MICU1: variants seen among roughly 807,000 people sequenced by gnomAD.
MICU1 encodes the protein mitochondrial calcium uptake 1.
MICU1 carries 45 observed loss-of-function variants against 56.8 expected under a neutral mutation model. That is an observed-to-expected ratio of 0.79 (90% CI 0.62 to 1.02). The LOEUF (loss-of-function observed/expected upper bound fraction) is 1.02, where lower values mean the gene tolerates loss of function less well. Ranked by LOEUF, MICU1 falls within the 50% of genes least tolerant of loss-of-function variation. The pLI is 0.00. For synonymous variants in MICU1, 186 were observed against 195.1 expected (o/e 0.95, Z 0.39); for missense variants, 504 against 587.1 (o/e 0.86, Z 1.46).
At chr10:72,399,517 G>A (rs978209001) in intron 10 of MICU1, among the ~76,000 whole-genome samples, 3 of 152,108 alleles carry the variant, frequency 2.0e-5, no homozygotes, top group Admixed American at 6.6e-5. Flanking sequence ...ATGTTGGCAC[G>A]TGCCTGTAAT....
At chr10:72,465,245 G>T (rs377742273) in intron 8 of MICU1, among the ~76,000 whole-genome samples, 1 of 150,988 alleles carries the variant, frequency 6.6e-6, no homozygotes, top group East Asian at 2.0e-4. Flanking sequence ...TGATCCTCCT[G>T]CCCTGGCCTC....
intron 5 of MICU1, chr10:72,508,518 C>T (rs1030880892): frequency 7.4e-6 from 2 of 269,594 alleles, no homozygotes; most frequent in African/African-American, 4.4e-5. Context: ...ATGTTAGAAC[C>T]CTCTGCCATT....
intron 5 of MICU1, among the ~76,000 whole-genome samples, chr10:72,518,214 T>C (rs932011800): frequency 4.0e-5 from 6 of 151,780 alleles, no homozygotes; most frequent in Non-Finnish European, 8.8e-5. Context: ...TGTATTTTTT[T>C]GTAGAGACAG....
intron 8 of MICU1, among the ~76,000 whole-genome samples, chr10:72,459,797 C>T (rs935716067): frequency 1.3e-5 from 2 of 152,144 alleles, no homozygotes; most frequent in Non-Finnish European, 2.9e-5. Context: ...ATTGAGGTGT[C>T]TCATGAATAC....
intron 4 of MICU1, among the ~76,000 whole-genome samples, chr10:72,545,415 A>G (rs1470130582): frequency 6.6e-6 from 1 of 152,232 alleles, no homozygotes; most frequent in Non-Finnish European, 1.5e-5. Context: ...TTAGGAAGAT[A>G]TAAGACATCA....
intron 3 of MICU1, among the ~76,000 whole-genome samples, chr10:72,555,391 A>G (rs1048205982): frequency 5.3e-5 from 8 of 152,248 alleles, no homozygotes; most frequent in African/African-American, 1.7e-4. Flanking sequence ...TAACTATAAA[A>G]AAAAAACTTA....
intron 3 of MICU1, among the ~76,000 whole-genome samples, chr10:72,553,095 T>C (rs1210867463): frequency 1.3e-5 from 2 of 152,224 alleles, no homozygotes; most frequent in African/African-American, 2.4e-5. Context: ...TATCAAAAGA[T>C]TGAGCATGTG....
At chr10:72,453,955 C>CGAAACTCCGTCTCAAAA (rs1379845791) in intron 8 of MICU1, among the ~76,000 whole-genome samples, 1 of 152,148 alleles carries the variant, frequency 6.6e-6, no homozygotes, top group Admixed American at 6.5e-5. Flanking sequence ...CTTGCCTCAG[C>CGAAACTCCGTCTCAAAA]CTCCTGAGTA....
At chr10:72,495,655 CAAAAAAAAAAAAAAA>C (rs758909513) in intron 6 of MICU1, among the ~76,000 whole-genome samples, 2 of 85,412 alleles carry the variant, frequency 2.3e-5, no homozygotes, top group Non-Finnish European at 4.4e-5. Flanking sequence ...ACCTCTGTCT[CAAAAAAAAAAAAAAA>C]AAAAAAAAGA....
intron 10 of MICU1, among the ~76,000 whole-genome samples, chr10:72,407,281 T>C (rs939542472): frequency 6.6e-6 from 1 of 152,152 alleles, no homozygotes; most frequent in African/African-American, 2.4e-5. Context: ...GAGGTGAAAA[T>C]ATGCATAGTC....
At chr10:72,373,180 ATTT>A (rs751527368) in intron 11 of MICU1, among the ~76,000 whole-genome samples, 2 of 133,254 alleles carry the variant, frequency 1.5e-5, no homozygotes, top group Non-Finnish European at 1.6e-5. Flanking sequence ...TTGTTTGTTC[ATTT>A]TTTTTTTTTT....
intron 11 of MICU1, among the ~76,000 whole-genome samples, chr10:72,374,203 CTT>C (rs2132034577): frequency 6.6e-6 from 1 of 152,400 alleles, no homozygotes; most frequent in South Asian, 2.1e-4. Flanking sequence ...TCACTGCAGT[CTT>C]GACTTCCCCG....
At chr10:72,452,741 C>A (rs1025272780) in intron 8 of MICU1, among the ~76,000 whole-genome samples, 3 of 152,148 alleles carry the variant, frequency 2.0e-5, no homozygotes, top group African/African-American at 7.2e-5. Flanking sequence ...CAGAATGTAT[C>A]CCCATCGCTA....
chr10:72,441,282 A>G (rs1237665949), intron 8 of MICU1, among the ~76,000 whole-genome samples: 1 of 151,996 alleles, frequency 6.6e-6, no homozygotes, highest in Admixed American at 6.6e-5. Context: ...CATCATTCTC[A>G]GCAAACTATC....
chr10:72,623,923 T>A (rs1178711289), intron 1 of MICU1, among the ~76,000 whole-genome samples: 1 of 151,934 alleles, frequency 6.6e-6, no homozygotes, highest in African/African-American at 2.4e-5. Flanking sequence ...TAAAAACTGG[T>A]TCTTATTTTA....
At chr10:72,604,744 CTGT>C (rs1242068601) in intron 1 of MICU1, among the ~76,000 whole-genome samples, 1 of 152,138 alleles carries the variant, frequency 6.6e-6, no homozygotes, top group Non-Finnish European at 1.5e-5. Context: ...ATATGTGTTG[CTGT>C]TGTTAGATTT....
At chr10:72,625,004 A>G (rs536634320) in intron 1 of MICU1, among the ~76,000 whole-genome samples, 19 of 152,186 alleles carry the variant, frequency 1.2e-4, no homozygotes, top group Admixed American at 6.6e-4. Flanking sequence ...TGAAACCTAA[A>G]CTCTCCTACA....
chr10:72,602,837 G>A (rs1276279925), intron 1 of MICU1, among the ~76,000 whole-genome samples: 2 of 152,250 alleles, frequency 1.3e-5, no homozygotes, highest in African/African-American at 4.8e-5. Context: ...GCCAGGCGCG[G>A]TGGCTCACAC....
At chr10:72,520,002 T>C (rs2132378653) in intron 5 of MICU1, among the ~76,000 whole-genome samples, 1 of 152,284 alleles carries the variant, frequency 6.6e-6, no homozygotes, top group Non-Finnish European at 1.5e-5. Flanking sequence ...TATTTTAGTA[T>C]TAATATTTTG....
Sources: allele counts gnomAD v4.1 joint callset (sites outside exome capture counted in the v4.1 genomes callset), GRCh38; gene constraint gnomAD v4.1.1; transcripts MANE v1.5; gene names NCBI Gene and HGNC (gene_info 2026-07-23, HGNC 2026-07-21).